NTM: variants seen among roughly 807,000 people sequenced by gnomAD.
NTM encodes neurotrimin.
A neutral mutation model predicts 42.1 loss-of-function variants in NTM; 13 were observed. The ratio of observed to expected loss-of-function variants is 0.31; its 90% confidence interval spans 0.20 to 0.49. The LOEUF (loss-of-function observed/expected upper bound fraction) is 0.49. Ranked by LOEUF, NTM falls within the 20% of genes least tolerant of loss-of-function variation. The pLI, the probability that NTM is intolerant of heterozygous loss-of-function variation, is 0.99. For synonymous variants in NTM, 187 were observed against 179.2 expected (o/e 1.04, Z -0.35); for missense variants, 373 against 452.8 (o/e 0.82, Z 1.60).
At chr11:131,727,715 A>C (rs2079129040) in intron 1 of NTM, among the ~76,000 whole-genome samples, 1 of 152,146 alleles carries the variant, frequency 6.6e-6, no homozygotes, top group African/African-American at 2.4e-5. Flanking sequence ...TGATGAGAGA[A>C]TCCAGAAGAG....
At chr11:131,403,379 G>C (rs1945459878) in intron 1 of NTM, among the ~76,000 whole-genome samples, 1 of 152,090 alleles carries the variant, frequency 6.6e-6, no homozygotes, top group Admixed American at 6.6e-5. Flanking sequence ...CACTCTTGCA[G>C]ACACTCTCAA....
chr11:131,763,786 A>G (rs1304394900), intron 1 of NTM, among the ~76,000 whole-genome samples: 1 of 127,580 alleles, frequency 7.8e-6, no homozygotes, highest in African/African-American at 3.1e-5. Flanking sequence ...GCTGCTTTAT[A>G]TAGTGCATGT....
chr11:131,907,573 G>A (rs559615290), intron 1 of NTM, among the ~76,000 whole-genome samples: 1 of 152,310 alleles, frequency 6.6e-6, no homozygotes, highest in Non-Finnish European at 1.5e-5. Flanking sequence ...TGTCAGCACA[G>A]AGACAAGCTG....
chr11:131,807,662 C>A (rs1458676883), intron 1 of NTM, among the ~76,000 whole-genome samples: 1 of 152,176 alleles, frequency 6.6e-6, no homozygotes, highest in Non-Finnish European at 1.5e-5. Flanking sequence ...GTTGTTGAAA[C>A]AAAGATGTTA....
At chr11:132,271,861 C>T (rs2093495844) in intron 4 of NTM, among the ~76,000 whole-genome samples, 1 of 150,336 alleles carries the variant, frequency 6.7e-6, no homozygotes, top group South Asian at 2.1e-4. Context: ...TCTTGGTATT[C>T]TTTGAAGCAC....
At chr11:131,864,123 C>A (rs1022741189) in intron 1 of NTM, among the ~76,000 whole-genome samples, 1 of 152,082 alleles carries the variant, frequency 6.6e-6, no homozygotes, top group Non-Finnish European at 1.5e-5. Flanking sequence ...CACACAATTA[C>A]CCTGAAGACA....
chr11:132,061,462 C>T (rs2080660619), intron 2 of NTM, among the ~76,000 whole-genome samples: 1 of 152,136 alleles, frequency 6.6e-6, no homozygotes, highest in Non-Finnish European at 1.5e-5. Flanking sequence ...AATTTTCATA[C>T]CAGCTTATAC....
chr11:131,593,161 A>G (rs1242300778), intron 1 of NTM, among the ~76,000 whole-genome samples: 2 of 152,122 alleles, frequency 1.3e-5, no homozygotes, highest in African/African-American at 4.8e-5. Flanking sequence ...TGAAATAGGC[A>G]AAGAGCAGTC....
At chr11:131,598,767 T>C (rs1445381290) in intron 1 of NTM, among the ~76,000 whole-genome samples, 473 of 28,020 alleles carry the variant, frequency 0.017, 30 homozygotes, top group African/African-American at 0.067. Flanking sequence ...TCTTTCTTTT[T>C]TTCTTTCTTT....
intron 2 of NTM, among the ~76,000 whole-genome samples, chr11:131,939,380 G>T (rs923682979): frequency 1.3e-5 from 2 of 148,384 alleles, no homozygotes; most frequent in Non-Finnish European, 3.1e-5. Context: ...GATAGCTTGA[G>T]GATTTTGGCA....
chr11:131,687,240 C>T (rs1191942096), intron 1 of NTM, among the ~76,000 whole-genome samples: 1 of 152,346 alleles, frequency 6.6e-6, no homozygotes, highest in East Asian at 1.9e-4. Context: ...CGTGACAACA[C>T]CGTCACGCGT....
At chr11:132,030,148 G>T (rs917718736) in intron 2 of NTM, among the ~76,000 whole-genome samples, 3 of 152,006 alleles carry the variant, frequency 2.0e-5, no homozygotes, top group African/African-American at 7.2e-5. Flanking sequence ...GGTAACTGAG[G>T]CCATCTACAC....
intron 1 of NTM, among the ~76,000 whole-genome samples, chr11:131,748,902 G>A (rs778604500): frequency 7.2e-5 from 11 of 152,126 alleles, no homozygotes; most frequent in Non-Finnish European, 1.3e-4. Context: ...TCACAGCATG[G>A]GGGCTTTTGA....
At chr11:131,580,844 G>A (rs868535582) in intron 1 of NTM, among the ~76,000 whole-genome samples, 1 of 152,152 alleles carries the variant, frequency 6.6e-6, no homozygotes, top group African/African-American at 2.4e-5. Flanking sequence ...CACTGTGTTT[G>A]GGTTCTTGTA....
intron 1 of NTM, among the ~76,000 whole-genome samples, chr11:131,883,297 C>T (rs2049850771): frequency 6.6e-6 from 1 of 152,198 alleles, no homozygotes; most frequent in African/African-American, 2.4e-5. Context: ...GTCTCCTTCC[C>T]AAAGCTGGAG....
intron 2 of NTM, among the ~76,000 whole-genome samples, chr11:132,016,182 T>G (rs933289901): frequency 6.6e-6 from 1 of 151,962 alleles, no homozygotes; most frequent in African/African-American, 2.4e-5. Flanking sequence ...GTTTTTGTTC[T>G]TTGTTTTGTT....
At chr11:131,447,436 A>G (rs1298041820) in intron 1 of NTM, among the ~76,000 whole-genome samples, 1 of 152,118 alleles carries the variant, frequency 6.6e-6, no homozygotes, top group Non-Finnish European at 1.5e-5. Flanking sequence ...CCCTGCTCTA[A>G]TTTCAATTAG....
chr11:131,843,975 G>A (rs2044611189), intron 1 of NTM, among the ~76,000 whole-genome samples: 3 of 150,920 alleles, frequency 2.0e-5, no homozygotes, highest in Non-Finnish European at 3.0e-5. Context: ...TGTGTCTCTT[G>A]TTTACACTTT....
chr11:131,425,563 A>G (rs769423930), intron 1 of NTM, among the ~76,000 whole-genome samples: 1 of 152,224 alleles, frequency 6.6e-6, no homozygotes, highest in Admixed American at 6.5e-5. Context: ...CAACATATTG[A>G]TAAGACACAG....
Sources: gnomAD v4.1 joint callset for allele counts (sites outside exome capture counted in the v4.1 genomes callset) on GRCh38, gnomAD v4.1.1 for gene constraint, MANE v1.5 for transcripts, NCBI Gene and HGNC (gene_info 2026-07-23, HGNC 2026-07-21) for gene names.